The following MTOR variants were observed in gnomAD, a reference collection of about 807,000 sequenced individuals.
MTOR encodes serine/threonine-protein kinase mTOR.
Under a neutral mutation model 319.8 loss-of-function variants are expected in MTOR, and 70 were observed. That is an observed-to-expected ratio of 0.22 (90% CI 0.18 to 0.27). The LOEUF (loss-of-function observed/expected upper bound fraction) is 0.27, where lower values mean the gene tolerates loss of function less well. MTOR is among the 10% of genes least tolerant of loss of function. The pLI is 1.00. For missense variants in MTOR, 1,890 were observed against 3,274.4 expected (o/e 0.58, Z 10.32); for synonymous variants, 1,183 against 1,211.4 (o/e 0.98, Z 0.49).
intron 20 of MTOR, 89 bp from the exon 21 acceptor site, chr1:11,213,655 A>C (rs527388552): frequency 7.9e-7 from 1 of 1,268,884 alleles, no homozygotes; most frequent in South Asian, 1.4e-5. Flanking sequence ...GAAAAGCAAA[A>C]CTGTAGTGAG....
chr1:11,130,677 C>T lies in MTOR; in HGVS notation c.5465G>A (p.Gly1822Glu), dbSNP rs1399664439. The T allele has an allele frequency of 6.2e-7, 1 of 1,611,330 alleles. No homozygotes were observed. The highest frequency in any genetic ancestry group is 1.3e-5 in the African/African-American group (1 of 74,822). Reference protein sequence around the residue: ...DEKKKLRHASGANITNATTAA... With the variant: ...DEKKKLRHASEANITNATTAA... ...AGTGGTGGCGTTGGTGATGTTGGCC[C>T]CGCTGGCATGACGCAGTTTCTTCTT... Residue 1822 changes from glycine (G) to glutamate (E), a missense_variant, in exon 39 of 58, where the codon GGG becomes GAG. Gly to Glu is a moderately conservative substitution (Grantham distance 98). Around this residue, in one of 15 missense-constraint regions of MTOR, gnomAD observed 91 missense variants for 90.4 expected, o/e 1.01. Coordinates refer to ENST00000361445, the MANE Select transcript of MTOR (RefSeq NM_004958.4).
intron 19 of MTOR, among the ~76,000 whole-genome samples, chr1:11,216,437 T>A (rs566021816): frequency 4.6e-5 from 7 of 152,230 alleles, no homozygotes; most frequent in Non-Finnish European, 1.0e-4. Flanking sequence ...GAGGACTGCT[T>A]GAGGCCAAGA....
At chr1:11,193,319 A>G (rs1442405241) in intron 28 of MTOR, among the ~76,000 whole-genome samples, 1 of 152,064 alleles carries the variant, frequency 6.6e-6, no homozygotes, top group African/African-American at 2.4e-5. Context: ...TCAAAAAAAA[A>G]AAAAGTATCT....
intron 5 of MTOR, among the ~76,000 whole-genome samples, chr1:11,255,668 T>C (rs888664617): frequency 6.6e-6 from 1 of 151,590 alleles, no homozygotes; most frequent in African/African-American, 2.4e-5. Flanking sequence ...CTGGCCAACA[T>C]GGCAAAACCC....
intron 19 of MTOR, among the ~76,000 whole-genome samples, chr1:11,225,262 T>C (rs1350615175): frequency 6.6e-6 from 1 of 152,172 alleles, no homozygotes; most frequent in Admixed American, 6.5e-5. Flanking sequence ...ATGTAAGCTT[T>C]AAGAAATTTT....
chr1:11,233,310 T>TA lies in MTOR; in HGVS notation c.2421+87dup, dbSNP rs113278628. 0.014 allele frequency: 13,987 copies of TA among 998,620 alleles called. 42 individuals are homozygous for TA. Among genetic ancestry groups the TA allele is most frequent in the African/African-American group, 0.044 (2,585 of 58,770 alleles). The allele number at this position is 998,620 out of a possible 1,614,324, so 61.9% of individuals were successfully genotyped here. A position where few individuals can be genotyped will look rare whatever the true frequency, so the allele number is the denominator to read the frequency against. On this transcript the variant is annotated intron_variant, in intron 15 of 57. Transcript: ENST00000361445. ...CAATAAATATGTGAGACCTTTCATT[T>TA]AAAAAAAAAAATAGTATTTTGACTT... is the stretch of plus-strand genomic sequence containing the variant.
intron 4 of MTOR, 190 bp from the exon 5 acceptor site, chr1:11,256,382 T>C (rs575738903): frequency 2.1e-6 from 2 of 935,128 alleles, no homozygotes; most frequent in East Asian, 1.2e-4. Context: ...CTCATTATCC[T>C]AGGTTGTTTA....
At chr1:11,175,522 T>A (rs1644954382) in intron 28 of MTOR, among the ~76,000 whole-genome samples, 1 of 152,116 alleles carries the variant, frequency 6.6e-6, no homozygotes, top group African/African-American at 2.4e-5. Flanking sequence ...CTTGCTGCCT[T>A]CCTATAGCAA....
At chr1:11,218,107 A>G (rs977665530) in intron 19 of MTOR, among the ~76,000 whole-genome samples, 9 of 152,210 alleles carry the variant, frequency 5.9e-5, no homozygotes, top group East Asian at 3.9e-4. Flanking sequence ...GTGATTCCCC[A>G]TACAAATATG....
rs1255912001 is a variant in MTOR at position 11,115,246 on chromosome 1, AT to A, written c.7089+149del. ...GAGTCCAACTAAGAGCCCAGATTTCATTTCTTAGACTGACTTAACTACAGCC... is the reference window on the plus strand; with the variant it reads ...GAGTCCAACTAAGAGCCCAGATTTCATTCTTAGACTGACTTAACTACAGCC... On this transcript the variant is annotated intron_variant, in intron 51 of 57. Coordinates refer to ENST00000361445, the MANE Select transcript of MTOR (RefSeq NM_004958.4). The surrounding 1 kb of genome is among the most constrained non-coding windows in gnomAD (Gnocchi z 4.5). The A allele has an allele frequency of 6.5e-6, 5 of 773,186 alleles. No individual in the cohort carries two copies. The East Asian group carries it at 1.2e-4, about 19-fold the overall frequency. 47.9% of individuals were successfully genotyped at this position (773,186 alleles called of 1,614,324 possible). A position where few individuals can be genotyped will look rare whatever the true frequency, so the allele number is the denominator to read the frequency against.
In MTOR at chr1:11,238,435, T is replaced by C; in HGVS notation, c.1969A>G (p.Ser657Gly). 6.2e-7 allele frequency: 1 copy of C among 1,614,226 alleles called. No homozygotes were observed. Among genetic ancestry groups the C allele is most frequent in the Non-Finnish European group, 8.5e-7 (1 of 1,180,052 alleles). Residue 657 changes from serine (S) to glycine (G), a missense_variant, in exon 12 of 58, where the codon AGC (serine) becomes GGC (glycine). This residue lies in a region of MTOR where 377 missense variants were observed against 653.9 expected (regional missense o/e 0.58). Transcript: ENST00000361445. The stretch of plus-strand genomic sequence containing the variant: ...GTTATCCCAACTACGAGCAGTTTGC[T>C]AAGCACATCTGCCACCACTTGCACT... ...TAVQVVADVL[S>G]KLLVVGITDP...
rs753657084 is a variant in MTOR at position 11,139,519 on chromosome 1, T to C, written c.4998+14A>G. On this transcript the variant is annotated intron_variant, in intron 35 of 57. Transcript: ENST00000361445. ...GGCCCTACCTGCCCATGTGGGTGGG[T>C]GGTTGTCACTCACCAGCCTGCCACT... is the stretch of plus-strand genomic sequence containing the variant. 9.3e-6 allele frequency: 15 copies of C among 1,613,988 alleles called. No homozygotes were observed. In the East Asian group the frequency reaches 3.3e-4, roughly 36 times the overall value.
rs2100873374 is a variant in MTOR, at chr1:11,232,472, G to A, written c.2478C>T (p.Asp826=). 1.2e-6 allele frequency: 2 copies of A among 1,613,996 alleles called. No individual in the cohort carries two copies. The highest frequency in any genetic ancestry group is 1.7e-6 in the Non-Finnish European group (2 of 1,179,908). ...WVDELFIIIM[D]MLQDSSLLAK... ...CCAACAAAGAGGAATCCTGGAGCAT[G>A]TCCATGATGATAATAAAAAGTTCAT... is the stretch of plus-strand genomic sequence containing the variant. The change falls in exon 16 of 58, where the codon GAC becomes GAT. Residue 826 remains aspartate, a synonymous_variant. Transcript: ENST00000361445.
At chr1:11,257,307 G>A (rs1017853762) in intron 3 of MTOR, 142 bp from the exon 4 acceptor site, 19 of 696,454 alleles carry the variant, frequency 2.7e-5, no homozygotes, top group Non-Finnish European at 4.2e-5. Flanking sequence ...AGGCTGAGGC[G>A]GGCGGATTGC....
intron 26 of MTOR, among the ~76,000 whole-genome samples, chr1:11,200,824 G>C (rs1205122839): frequency 1.3e-5 from 2 of 151,928 alleles, no homozygotes; most frequent in African/African-American, 2.4e-5. Flanking sequence ...GACCATCCTG[G>C]CTAACATGGT....
At position 11,126,801 on chromosome 1, in the gene MTOR, A is replaced by G. The variant is rs770871816; in HGVS notation, c.6352-5T>C. On this transcript the variant is annotated splice_region_variant and splice_polypyrimidine_tract_variant and intron_variant, in intron 45 of 57. Coordinates refer to ENST00000361445, the MANE Select transcript of MTOR (RefSeq NM_004958.4). ...TTGCAGCTCTAAGGATGTGAGCTGT[A>G]AATAATTACCAAAGGATTTAGTGTT... 1.2e-6 allele frequency: 2 copies of G among 1,612,734 alleles called. No homozygotes were observed. Among genetic ancestry groups the G allele is most frequent in the South Asian group, 2.2e-5 (2 of 90,776 alleles).
chr1:11,194,475 C>A (rs1204463119), intron 28 of MTOR: 8 of 1,614,046 alleles, frequency 5.0e-6, no homozygotes, highest in Non-Finnish European at 6.8e-6. Flanking sequence ...GGGAGGGCAA[C>A]CTGCGCTACG....
intron 49 of MTOR, among the ~76,000 whole-genome samples, chr1:11,120,810 CTTATTG>C (rs2100354358): frequency 6.6e-6 from 1 of 152,114 alleles, no homozygotes; most frequent in African/African-American, 2.4e-5. Flanking sequence ...ATTTACATTT[CTTATTG>C]TTATATATAT....
intron 54 of MTOR, 107 bp downstream of exon 54, chr1:11,112,745 C>A: frequency 8.7e-7 from 1 of 1,154,336 alleles, no homozygotes; most frequent in South Asian, 1.3e-5. Flanking sequence ...AGGGGGAGAG[C>A]CTCTGTAACG....
Sources: allele counts gnomAD v4.1 joint callset (sites outside exome capture counted in the v4.1 genomes callset), GRCh38; gene constraint gnomAD v4.1.1; regional missense constraint gnomAD v4.1.1; non-coding constraint Gnocchi (gnomAD v3.1); transcripts MANE v1.5; gene names NCBI Gene and HGNC (gene_info 2026-07-23, HGNC 2026-07-21).